Variants in FN1 observed in about 807,000 individuals in gnomAD.
The protein encoded by FN1 is fibronectin 1.
Under a neutral mutation model 297.3 loss-of-function variants are expected in FN1, and 106 were observed. That is an observed-to-expected ratio of 0.36 (90% CI 0.30 to 0.42). The LOEUF is 0.42. Ranked by LOEUF, FN1 falls within the 10% of genes least tolerant of loss-of-function variation. The probability of loss-of-function intolerance (pLI) is 1.00; values close to 1 mark genes in which losing one functional copy is unlikely to be tolerated. For missense variants in FN1, 2,690 were observed against 3,124.9 expected, an observed-to-expected ratio of 0.86 and a Z score of 3.32; for synonymous variants, 1,149 against 1,152.6, an observed-to-expected ratio of 1.00 and a Z score of 0.06.
chr2:215,431,616 C>T (rs1014239948), intron 4 of FN1, among the ~76,000 whole-genome samples: 1 of 152,186 alleles, frequency 6.6e-6, no homozygotes, highest in Non-Finnish European at 1.5e-5. Flanking sequence ...GCTTTTGAAG[C>T]AAAGTTAAGA....
At chr2:215,395,894 A>G (rs958263701) in intron 23 of FN1, among the ~76,000 whole-genome samples, 6 of 113,416 alleles carry the variant, frequency 5.3e-5, no homozygotes, top group African/African-American at 1.9e-4. Context: ...GCTGCTAACA[A>G]GCACGAAGAT....
chr2:215,400,134 G>C (rs1483669183), intron 20 of FN1, among the ~76,000 whole-genome samples: 1 of 151,804 alleles, frequency 6.6e-6, no homozygotes, highest in African/African-American at 2.4e-5. Context: ...GTTGCAGTGA[G>C]CCGAGATCAT....
rs924963084 is a variant in FN1, at chr2:215,399,240, G to A, written c.3348+17C>T. On this transcript the variant is annotated intron_variant, in intron 21 of 45. Coordinates refer to ENST00000354785, the MANE Select transcript of FN1 (RefSeq NM_212482.4). ...CTCAGGGCTGTATCACAGAGATTAG[G>A]AACATCTGCAGTTTACCTTAAAACC... is the stretch of plus-strand genomic sequence containing the variant. The A allele has an allele frequency of 1.0e-5, 16 of 1,573,462 alleles. No individual in the cohort carries two copies. In the African/African-American group the frequency reaches 1.6e-4, roughly 16 times the overall value.
At chr2:215,425,780 A>C (rs1217680728) in intron 6 of FN1, among the ~76,000 whole-genome samples, 2 of 139,176 alleles carry the variant, frequency 1.4e-5, no homozygotes, top group Non-Finnish European at 2.9e-5. Context: ...CCTGACCTCA[A>C]ACTCCTGTCT....
rs1317986712 is a variant in FN1 at position 215,384,130 on chromosome 2, G to T, written c.4784C>A (p.Thr1595Asn). The T allele has an allele frequency of 6.2e-7, 1 of 1,614,132 alleles. No homozygotes were observed. The highest frequency in any genetic ancestry group is 1.1e-5 in the South Asian group (1 of 91,072). ...AACTCCAGGTTTAAGGCCGCTGATG[G>T]TAGCTGTAGACTTGCTCCCAGGCAC... ...FTVPGSKSTA[T>N]ISGLKPGVDY... is the part of the protein sequence containing the mutation. The change falls in exon 30 of 46, where the codon ACC becomes AAC. Residue 1595 changes from threonine to asparagine, a missense_variant. By Grantham distance (65) the Thr-to-Asn change is moderately conservative (BLOSUM62 0). Coordinates refer to ENST00000354785, the MANE Select transcript of FN1 (RefSeq NM_212482.4).
At chr2:215,424,383 G>T in intron 7 of FN1, 58 bp from the exon 8 acceptor site, 1 of 1,437,566 alleles carries the variant, frequency 7.0e-7, no homozygotes, top group Non-Finnish European at 9.8e-7. Flanking sequence ...CCCACCAGCA[G>T]CTGCTTATTT....
At chr2:215,383,577 T>C (rs2058500427) in intron 30 of FN1, 94 bp from the exon 31 acceptor site, 3 of 1,306,952 alleles carry the variant, frequency 2.3e-6, no homozygotes, top group Non-Finnish European at 3.3e-6. Flanking sequence ...CATATTCGAA[T>C]GATCGCTTAC....
chr2:215,424,356 A>T, intron 7 of FN1, 31 bp from the exon 8 acceptor site: 1 of 1,590,706 alleles, frequency 6.3e-7, no homozygotes, highest in Admixed American at 1.7e-5. Context: ...GTGTCAGTAA[A>T]CAGAGATGCT....
intron 41 of FN1, among the ~76,000 whole-genome samples, chr2:215,368,891 A>G (rs2055233984): frequency 6.6e-6 from 1 of 152,228 alleles, no homozygotes; most frequent in Non-Finnish European, 1.5e-5. Flanking sequence ...TTCCCTAAAA[A>G]TTAGATAAAC....
chr2:215,369,767 A>G (rs1291476178), intron 41 of FN1, among the ~76,000 whole-genome samples: 1 of 152,244 alleles, frequency 6.6e-6, no homozygotes, highest in Admixed American at 6.5e-5. Flanking sequence ...TTGGAAAAAA[A>G]TGGAAATAAC....
intron 20 of FN1, among the ~76,000 whole-genome samples, chr2:215,401,078 G>A (rs2060955201): frequency 7.3e-6 from 1 of 137,592 alleles, no homozygotes; most frequent in Admixed American, 7.7e-5. Flanking sequence ...TTACAGGCAT[G>A]AGCCATCACA....
chr2:215,428,942 G>GA (rs1471062259), intron 5 of FN1, among the ~76,000 whole-genome samples: 2 of 152,068 alleles, frequency 1.3e-5, no homozygotes, highest in African/African-American at 4.8e-5. Context: ...TTGAACCCGG[G>GA]AGGTGGAGGT....
chr2:215,382,334 G>T lies in FN1; in HGVS notation c.5051-9C>A, dbSNP rs376036111. The T allele has an allele frequency of 1.2e-4, 191 of 1,571,208 alleles. No individual in the cohort carries two copies. The highest frequency in any genetic ancestry group is 4.5e-4 in the East Asian group (20 of 44,678). On this transcript the variant is annotated splice_polypyrimidine_tract_variant and intron_variant, in intron 31 of 45. Coordinates refer to ENST00000354785, the MANE Select transcript of FN1 (RefSeq NM_212482.4). ...AGTCATTTCTGTTTGATCTGCAAAG[G>T]GAGTGAAAAGCAAATGCAACATCCA...
intron 20 of FN1, among the ~76,000 whole-genome samples, chr2:215,401,757 A>G: frequency 6.7e-6 from 1 of 149,858 alleles, no homozygotes; most frequent in South Asian, 2.1e-4. Context: ...CAATTCTCGC[A>G]TTTTTTTTTC....
chr2:215,400,967 TG>T (rs2060938966), intron 20 of FN1, among the ~76,000 whole-genome samples: 1 of 150,718 alleles, frequency 6.6e-6, no homozygotes, highest in Non-Finnish European at 1.5e-5. Context: ...AGCTAATTTT[TG>T]TATTTTTAGT....
Position 215,382,099 on chromosome 2 carries a change from A to G in FN1, c.5164+113T>C, listed in dbSNP as rs958160370. The G allele has an allele frequency of 5.5e-6, 4 of 722,648 alleles. No homozygotes were observed. The Admixed American group carries it at 7.9e-5, about 14-fold the overall frequency. The allele number at this position is 722,648 out of a possible 1,614,324, so 44.8% of individuals were successfully genotyped here. Reference sequence around the variant, plus strand: ...AAGGGCTCAGCTCAAGACATAAACTAACCAACAAGTTCACTTTCCCTATGT... The same window carrying G: ...AAGGGCTCAGCTCAAGACATAAACTGACCAACAAGTTCACTTTCCCTATGT... On this transcript the variant is annotated intron_variant, in intron 32 of 45. Transcript: ENST00000354785.
chr2:215,373,560 T>C, intron 38 of FN1, 149 bp from the exon 39 acceptor site: 1 of 686,712 alleles, frequency 1.5e-6, no homozygotes, highest in South Asian at 1.5e-5. Flanking sequence ...TCACTTTTCC[T>C]CCATAAACAC....
chr2:215,406,522 G>C lies in FN1; in HGVS notation c.2714-12C>G, dbSNP rs1024725271. The C allele has an allele frequency of 2.5e-6, 4 of 1,612,768 alleles. No individual in the cohort carries two copies. The African/African-American group carries it at 5.3e-5, about 22-fold the overall frequency. ...AGAGGGCACTGTATCTGACAGACAA[G>C]AGTCAACTGGTCATTCACATTCTCT... On this transcript the variant is annotated splice_polypyrimidine_tract_variant and intron_variant, in intron 18 of 45. Transcript: ENST00000354785.
Position 215,380,935 on chromosome 2 carries a change from T to A in FN1, c.5310A>T (p.Ala1770=). The A allele has an allele frequency of 6.2e-7, 1 of 1,614,232 alleles. No homozygotes were observed. The highest frequency in any genetic ancestry group is 8.5e-7 in the Non-Finnish European group (1 of 1,180,046). The stretch of plus-strand genomic sequence containing the variant: ...CTGCAGTGTCTTCTTCACCATCAGG[T>A]GCAGGGAATAGCTCATGGATTCCAT... ...PEDGIHELFP[A]PDGEEDTAEL... is the part of the protein sequence containing the mutation. Residue 1770 remains alanine (A), a synonymous_variant, in exon 33 of 46, where the codon GCA becomes GCT. Coordinates refer to ENST00000354785, the MANE Select transcript of FN1 (RefSeq NM_212482.4).
Sources: gnomAD v4.1 joint callset for allele counts (sites outside exome capture counted in the v4.1 genomes callset) on GRCh38, gnomAD v4.1.1 for gene constraint, MANE v1.5 for transcripts, NCBI Gene and HGNC (gene_info 2026-07-23, HGNC 2026-07-21) for gene names.